Variants in SYN3 observed in about 807,000 individuals in gnomAD.
The protein encoded by SYN3 is synapsin-3.
SYN3 carries 35 observed loss-of-function variants against 65.8 expected under a neutral mutation model. That is an observed-to-expected ratio of 0.53 (90% confidence interval 0.41 to 0.70). The LOEUF is 0.70. SYN3 is among the 30% of genes least tolerant of loss of function. The pLI is 0.00. For synonymous variants in SYN3, 270 were observed against 292.9 expected, an observed-to-expected ratio of 0.92 and a Z score of 0.80; for missense variants, 680 against 749.0, an observed-to-expected ratio of 0.91 and a Z score of 1.08.
At chr22:33,045,643 T>C (rs1244977029) in intron 1 of SYN3, among the ~76,000 whole-genome samples, 2 of 151,896 alleles carry the variant, frequency 1.3e-5, no homozygotes, top group Non-Finnish European at 2.9e-5. Context: ...TTTGTATTTT[T>C]AGTAGAGACA....
intron 6 of SYN3, among the ~76,000 whole-genome samples, chr22:32,763,433 G>A (rs2045541236): frequency 2.0e-5 from 3 of 151,716 alleles, no homozygotes; most frequent in East Asian, 1.9e-4. Flanking sequence ...TTACAGGCGT[G>A]AGCCACCACG....
At chr22:32,579,840 T>C (rs991503020) in intron 7 of SYN3, among the ~76,000 whole-genome samples, 2 of 152,216 alleles carry the variant, frequency 1.3e-5, no homozygotes, top group African/African-American at 4.8e-5. Context: ...TCTTAGCTCT[T>C]TCCCTTAATA....
chr22:32,823,697 A>G (rs561378535), intron 6 of SYN3, among the ~76,000 whole-genome samples: 1 of 152,186 alleles, frequency 6.6e-6, no homozygotes, highest in African/African-American at 2.4e-5. Context: ...GTGGGCTCCC[A>G]TGGTGCTAAT....
At chr22:32,843,691 G>T (rs542789463) in intron 6 of SYN3, among the ~76,000 whole-genome samples, 1 of 152,078 alleles carries the variant, frequency 6.6e-6, no homozygotes, top group Admixed American at 6.5e-5. Flanking sequence ...AGTCTAGGCC[G>T]AAGATGCGAG....
At chr22:32,745,718 C>A (rs978829471) in intron 6 of SYN3, among the ~76,000 whole-genome samples, 1 of 151,886 alleles carries the variant, frequency 6.6e-6, no homozygotes, top group Non-Finnish European at 1.5e-5. Context: ...ACACGTACAC[C>A]CAGATAGAGA....
chr22:32,721,498 C>G (rs188304561), intron 6 of SYN3, among the ~76,000 whole-genome samples: 132 of 152,312 alleles, frequency 8.7e-4, no homozygotes, highest in African/African-American at 2.9e-3. Flanking sequence ...AATGTGAGAA[C>G]AAAGAGAATC....
intron 7 of SYN3, among the ~76,000 whole-genome samples, chr22:32,557,495 G>A (rs961315907): frequency 1.3e-5 from 2 of 152,166 alleles, no homozygotes; most frequent in African/African-American, 4.8e-5. Context: ...CATTAACTAT[G>A]TGCCAGCAAC....
chr22:32,891,767 T>C lies in SYN3; in HGVS notation c.462-22642A>G, dbSNP rs542041599. 2.0e-4 allele frequency among the ~76,000 whole-genome samples: 31 copies of C among 152,170 alleles called. No homozygotes were observed. In the South Asian group the frequency reaches 6.5e-3, roughly 32 times the overall value. ...TCAATACATACTTCCGTATAACTCATTCAGCCCCCTTTTCCTGTCTTAATG... is the reference window on the plus strand; with the variant it reads ...TCAATACATACTTCCGTATAACTCACTCAGCCCCCTTTTCCTGTCTTAATG... On this transcript the variant is annotated intron_variant, in intron 4 of 13. Transcript: ENST00000358763.
At chr22:32,908,992 T>C (rs2049976697) in intron 4 of SYN3, among the ~76,000 whole-genome samples, 1 of 152,238 alleles carries the variant, frequency 6.6e-6, no homozygotes, top group Admixed American at 6.5e-5. Flanking sequence ...CATCTAATTC[T>C]TTCTTTAGGC....
intron 6 of SYN3, among the ~76,000 whole-genome samples, chr22:32,646,911 T>G (rs1477526610): frequency 6.6e-6 from 1 of 152,032 alleles, no homozygotes; most frequent in Non-Finnish European, 1.5e-5. Context: ...TGGAAGAGGT[T>G]TTGGTTCTGT....
chr22:32,920,201 A>G (rs1197014600), intron 4 of SYN3, among the ~76,000 whole-genome samples: 1 of 152,130 alleles, frequency 6.6e-6, no homozygotes, highest in East Asian at 1.9e-4. Flanking sequence ...AATGCTGGAA[A>G]CTGAGAGCAG....
chr22:32,853,630 C>T (rs147569920), intron 6 of SYN3, among the ~76,000 whole-genome samples: 1 of 152,270 alleles, frequency 6.6e-6, no homozygotes, highest in Non-Finnish European at 1.5e-5. Context: ...AAAGAACAAC[C>T]CACTTATGTC....
rs368464239 is a variant in SYN3 at position 32,668,358 on chromosome 22, AC to A, written c.712-71623del. Among the ~76,000 whole-genome samples, 857 of 128,776 alleles carry A rather than the reference AC, an allele frequency of 6.7e-3. 12 individuals are homozygous for A. Among genetic ancestry groups the A allele is most frequent in the African/African-American group, 0.023 (783 of 34,216 alleles). 84.5% of individuals were successfully genotyped at this position (128,776 alleles called of 152,430 possible). A position where few individuals can be genotyped will look rare whatever the true frequency, so the allele number is the denominator to read the frequency against. The stretch of plus-strand genomic sequence containing the variant: ...GTTTCTCCTCACTTCCCTCATTTCC[AC>A]CCCCCCTTCCTTCACTCCTTTCCCC... On this transcript the variant is annotated intron_variant, in intron 6 of 13. Coordinates refer to ENST00000358763, the MANE Select transcript of SYN3 (RefSeq NM_003490.4).
At chr22:32,821,922 G>A (rs1055281906) in intron 6 of SYN3, among the ~76,000 whole-genome samples, 9 of 152,108 alleles carry the variant, frequency 5.9e-5, no homozygotes, top group Non-Finnish European at 7.4e-5. Flanking sequence ...TTGGGAGGCC[G>A]AGGCAGGCGG....
chr22:32,828,995 G>A (rs187845055), intron 6 of SYN3, among the ~76,000 whole-genome samples: 6 of 152,244 alleles, frequency 3.9e-5, no homozygotes, highest in South Asian at 4.1e-4. Flanking sequence ...CCCCAGGAGC[G>A]GTCTTGAGGG....
At chr22:32,955,439 C>T (rs1279610634) in intron 3 of SYN3, among the ~76,000 whole-genome samples, 1 of 152,074 alleles carries the variant, frequency 6.6e-6, no homozygotes, top group East Asian at 1.9e-4. Context: ...GGGCATGAGC[C>T]ATGCGGACAC....
At chr22:32,956,951 G>T (rs776724758) in intron 3 of SYN3, among the ~76,000 whole-genome samples, 1 of 152,134 alleles carries the variant, frequency 6.6e-6, no homozygotes, top group Admixed American at 6.5e-5. Context: ...GTTATTTTCT[G>T]TTGTTTGATT....
At chr22:32,820,422 AC>A (rs1459800882) in intron 6 of SYN3, among the ~76,000 whole-genome samples, 3 of 150,352 alleles carry the variant, frequency 2.0e-5, no homozygotes, top group Non-Finnish European at 3.0e-5. Flanking sequence ...CTGCTCATCC[AC>A]CCATTCCACT....
At chr22:32,882,716 AT>A (rs34826132) in intron 4 of SYN3, among the ~76,000 whole-genome samples, 17,332 of 146,872 alleles carry the variant, frequency 0.12, 1,406 homozygotes, top group East Asian at 0.43. Flanking sequence ...ATAGTTCAGA[AT>A]TTTTTTTTTT....
Sources: allele counts gnomAD v4.1 joint callset (sites outside exome capture counted in the v4.1 genomes callset), GRCh38; gene constraint gnomAD v4.1.1; transcripts MANE v1.5; gene names NCBI Gene and HGNC (gene_info 2026-07-23, HGNC 2026-07-21).